The following VWA8 variants were observed in gnomAD, a reference collection of about 807,000 sequenced individuals.
VWA8 encodes the protein von Willebrand factor A domain containing 8, also known as von Willebrand factor A domain-containing protein 8.
A neutral mutation model predicts 241.5 loss-of-function variants in VWA8; 221 were observed. That is an observed-to-expected ratio of 0.91 (90% CI 0.82 to 1.02). The LOEUF (loss-of-function observed/expected upper bound fraction) is 1.02, where lower values mean the gene tolerates loss of function less well. VWA8 is among the 50% of genes least tolerant of loss of function. The probability of loss-of-function intolerance (pLI) is 0.00; values close to 1 mark genes in which losing one functional copy is unlikely to be tolerated. For missense variants in VWA8, 2,322 were observed against 2,328.7 expected, an observed-to-expected ratio of 1.00 and a Z score of 0.06; for synonymous variants, 852 against 827.1, an observed-to-expected ratio of 1.03 and a Z score of -0.52.
chr13:41,704,331 C>T (rs2045269166), intron 26 of VWA8, among the ~76,000 whole-genome samples: 1 of 152,174 alleles, frequency 6.6e-6, no homozygotes, highest in Admixed American at 6.5e-5. Flanking sequence ...GAGCTAAATG[C>T]TGATTTCTGA....
chr13:41,942,888 A>C (rs1877667186), intron 2 of VWA8, among the ~76,000 whole-genome samples: 1 of 152,208 alleles, frequency 6.6e-6, no homozygotes, highest in African/African-American at 2.4e-5. Context: ...ACCTTCACTG[A>C]AGTGGCCTCT....
chr13:41,712,400 T>C (rs1330220649), intron 26 of VWA8, among the ~76,000 whole-genome samples: 1 of 152,150 alleles, frequency 6.6e-6, no homozygotes, highest in African/African-American at 2.4e-5. Context: ...TAAAAAAAGA[T>C]TTAAGATAAT....
In VWA8 at chr13:41,699,096, C is replaced by A. The variant is rs1373075131; in HGVS notation, c.3539G>T (p.Gly1180Val). The A allele has an allele frequency of 6.2e-6, 10 of 1,613,826 alleles. No individual in the cohort carries two copies. Among genetic ancestry groups the A allele is most frequent in the Admixed American group, 3.3e-5 (2 of 59,978 alleles). Residue 1180 changes from glycine to valine, a missense_variant, in exon 29 of 45, where the codon GGT (glycine) becomes GTT (valine). Coordinates refer to ENST00000379310, the MANE Select transcript of VWA8 (RefSeq NM_015058.2). Reference protein sequence around the residue: ...TVAPLGSPLKGQVVLHEQQSN... With the variant: ...TVAPLGSPLKVQVVLHEQQSN... The stretch of plus-strand genomic sequence containing the variant: ...CTGCTGCTCATGGAGAACCACTTGA[C>A]CTTTGAGAGGACTTCCCAGCGGTGC...
chr13:41,570,147 G>A (rs1056785764), intron 44 of VWA8, among the ~76,000 whole-genome samples: 3 of 152,122 alleles, frequency 2.0e-5, no homozygotes, highest in African/African-American at 7.2e-5. Context: ...ATTAGCCTGA[G>A]CTTAGGAGCT....
At chr13:41,675,167 T>G in intron 36 of VWA8, 48 bp downstream of exon 36, 2 of 1,389,784 alleles carry the variant, frequency 1.4e-6, no homozygotes, top group Non-Finnish European at 2.0e-6. Flanking sequence ...AAGAATTTAC[T>G]CATTTTTTAT....
At chr13:41,953,712 A>G (rs1878233215) in intron 1 of VWA8, among the ~76,000 whole-genome samples, 1 of 152,142 alleles carries the variant, frequency 6.6e-6, no homozygotes, top group African/African-American at 2.4e-5. Context: ...GGGAGACTGA[A>G]GCAGGAGAAT....
chr13:41,709,091 C>T (rs546847212), intron 26 of VWA8, among the ~76,000 whole-genome samples: 5 of 152,270 alleles, frequency 3.3e-5, no homozygotes, highest in Middle Eastern at 3.4e-3. Flanking sequence ...TGAAAACTTT[C>T]CCAGAGAAAA....
intron 26 of VWA8, among the ~76,000 whole-genome samples, chr13:41,706,088 G>A (rs577215409): frequency 1.3e-3 from 191 of 151,964 alleles, no homozygotes; most frequent in African/African-American, 4.2e-3. Context: ...TTCATAAACC[G>A]TACCAAACAA....
intron 37 of VWA8, among the ~76,000 whole-genome samples, chr13:41,666,577 G>A (rs115711460): frequency 2.1e-3 from 322 of 152,172 alleles, no homozygotes; most frequent in African/African-American, 7.4e-3. Flanking sequence ...TTAACCTTTG[G>A]TAGCTTGAAA....
chr13:41,823,388 C>T (rs761235093), intron 14 of VWA8, among the ~76,000 whole-genome samples: 12 of 152,220 alleles, frequency 7.9e-5, no homozygotes, highest in East Asian at 3.9e-4. Flanking sequence ...TATATAAGTA[C>T]ATCTAAGACT....
chr13:41,669,223 G>A (rs1480582245), intron 37 of VWA8, among the ~76,000 whole-genome samples: 1 of 152,216 alleles, frequency 6.6e-6, no homozygotes, highest in Non-Finnish European at 1.5e-5. Flanking sequence ...ACTGTGTAAT[G>A]TAGCTGAATA....
intron 14 of VWA8, 140 bp downstream of exon 14, chr13:41,830,389 A>G (rs1442108443): frequency 3.3e-6 from 2 of 601,532 alleles, no homozygotes; most frequent in Admixed American, 2.9e-5. Context: ...GAAATGCCAA[A>G]GTAGTGGCAT....
At chr13:41,595,487 G>A (rs1043272690) in intron 40 of VWA8, among the ~76,000 whole-genome samples, 6 of 152,020 alleles carry the variant, frequency 3.9e-5, no homozygotes, top group Non-Finnish European at 8.8e-5. Flanking sequence ...CATCCACACC[G>A]CCTAAGCCTC....
At chr13:41,817,321 C>T (rs1356990252) in intron 15 of VWA8, among the ~76,000 whole-genome samples, 1 of 152,086 alleles carries the variant, frequency 6.6e-6, no homozygotes, top group Non-Finnish European at 1.5e-5. Flanking sequence ...TATCAATGAA[C>T]TCGGAAGAGC....
At chr13:41,863,412 TG>T (rs1873105040) in intron 12 of VWA8, among the ~76,000 whole-genome samples, 1 of 73,588 alleles carries the variant, frequency 1.4e-5, no homozygotes, top group Non-Finnish European at 2.7e-5. Flanking sequence ...TGTGTGTGTG[TG>T]TGTGTGTGTG....
At chr13:41,881,593 G>A (rs1396052809) in intron 9 of VWA8, among the ~76,000 whole-genome samples, 7 of 150,452 alleles carry the variant, frequency 4.7e-5, no homozygotes, top group Non-Finnish European at 8.9e-5. Flanking sequence ...CCTCCCAGAC[G>A]GGGTGGTGGC....
At chr13:41,703,787 T>G (rs547284849) in intron 26 of VWA8, among the ~76,000 whole-genome samples, 6 of 151,968 alleles carry the variant, frequency 3.9e-5, no homozygotes. Flanking sequence ...ATTTTTTTTT[T>G]TTTTTTTGAG....
chr13:41,672,458 A>G (rs942632161), intron 36 of VWA8, among the ~76,000 whole-genome samples: 11 of 152,180 alleles, frequency 7.2e-5, no homozygotes, highest in African/African-American at 2.7e-4. Flanking sequence ...TGCATCTGAT[A>G]TTTTCTATAT....
chr13:41,787,721 C>T (rs1163944585), intron 17 of VWA8, among the ~76,000 whole-genome samples, 178 bp from the exon 18 acceptor site: 2 of 151,906 alleles, frequency 1.3e-5, no homozygotes, highest in Non-Finnish European at 2.9e-5. Context: ...TAAATATAAA[C>T]TTAATGTACG....
Sources: gnomAD v4.1 joint callset for allele counts (sites outside exome capture counted in the v4.1 genomes callset) on GRCh38, gnomAD v4.1.1 for gene constraint, MANE v1.5 for transcripts, NCBI Gene and HGNC (gene_info 2026-07-23, HGNC 2026-07-21) for gene names.